Variants in ZNF804A observed in about 807,000 individuals in gnomAD.
ZNF804A encodes zinc finger protein 804A.
ZNF804A carries 2 observed loss-of-function variants against 16.5 expected under a neutral mutation model. That is an observed-to-expected ratio of 0.12 (90% CI 0.05 to 0.38). The LOEUF (loss-of-function observed/expected upper bound fraction) is 0.38, where lower values mean the gene tolerates loss of function less well. ZNF804A is among the 10% of genes least tolerant of loss of function. The pLI is 0.99. For synonymous variants in ZNF804A, 534 were observed against 489.6 expected (o/e 1.09, Z -1.20); for missense variants, 1,473 against 1,390.7 (o/e 1.06, Z -0.94).
intron 1 of ZNF804A, among the ~76,000 whole-genome samples, chr2:184,710,931 A>C (rs932617699): frequency 6.6e-6 from 1 of 151,838 alleles, no homozygotes; most frequent in African/African-American, 2.4e-5. Context: ...GGTTGCTTTC[A>C]TATCTTGACT....
intron 2 of ZNF804A, among the ~76,000 whole-genome samples, chr2:184,927,377 G>A (rs1025463062): frequency 7.2e-5 from 11 of 152,172 alleles, no homozygotes; most frequent in African/African-American, 2.4e-4. Context: ...TTCTGAGCTG[G>A]CTGGAGCTAG....
chr2:184,718,756 C>T lies in ZNF804A; in HGVS notation c.111+119686C>T, dbSNP rs574722745. On this transcript the variant is annotated intron_variant, in intron 1 of 3. Transcript: ENST00000302277. ...GTCTTGGGCAGTTCCAACCCTGTGA[C>T]TTTGCAAGGTATAGCCTCCCTCCTG... Among the ~76,000 whole-genome samples the T allele has an allele frequency of 2.0e-5, 3 of 152,304 alleles. No homozygotes were observed. The East Asian group carries it at 5.8e-4, about 29-fold the overall frequency.
rs75132823 is a variant in ZNF804A, at chr2:184,936,869, C to A, written c.1473C>A (p.Asp491Glu). ...TTTGTTCTCAGCAGAAGCAGGAAGA[C>A]ATTTGCATGGGACCACTTTCAGATT... ...KDLCSQQKQE[D>E]ICMGPLSDYK... Residue 491 changes from aspartate (D) to glutamate (E), a missense_variant, in exon 4 of 4, where the codon GAC becomes GAA. Physicochemically the swap from Asp to Glu is conservative, Grantham distance 45. Transcript: ENST00000302277. 3.1e-6 allele frequency: 5 copies of A among 1,613,196 alleles called. No individual in the cohort carries two copies. The African/African-American group carries it at 6.7e-5, about 22-fold the overall frequency.
At chr2:184,749,102 G>GT (rs1292961452) in intron 1 of ZNF804A, among the ~76,000 whole-genome samples, 3 of 151,196 alleles carry the variant, frequency 2.0e-5, no homozygotes, top group Non-Finnish European at 3.0e-5. Context: ...TTTTAGAATA[G>GT]TTTTTTTCTA....
At chr2:184,679,695 G>A (rs1692505478) in intron 1 of ZNF804A, among the ~76,000 whole-genome samples, 1 of 152,198 alleles carries the variant, frequency 6.6e-6, no homozygotes, top group Non-Finnish European at 1.5e-5. Flanking sequence ...GTGCTGACAT[G>A]ACAGCTCCCT....
At chr2:184,607,936 CTTTTTTTTTTTTTTTTT>C (rs34262998) in intron 1 of ZNF804A, among the ~76,000 whole-genome samples, 1 of 65,654 alleles carries the variant, frequency 1.5e-5, no homozygotes, top group African/African-American at 6.6e-5. Flanking sequence ...TGATGCATCT[CTTTTTTTTTTTTTTTTT>C]TTTTTTTTTT....
chr2:184,788,180 T>C (rs1271537376), intron 1 of ZNF804A, among the ~76,000 whole-genome samples: 1 of 152,078 alleles, frequency 6.6e-6, no homozygotes, highest in African/African-American at 2.4e-5. Flanking sequence ...GGTTATCTAT[T>C]TTGTTCCAAT....
rs115253080 is a variant in ZNF804A, at chr2:184,630,125, C to A, written c.111+31055C>A. ...TCTCTCACTTTTAGCTACCAGGTCTCTGGTACTGTAGCAGTTTTCAGTGTA... is the reference window on the plus strand; with the variant it reads ...TCTCTCACTTTTAGCTACCAGGTCTATGGTACTGTAGCAGTTTTCAGTGTA... On this transcript the variant is annotated intron_variant, in intron 1 of 3. Coordinates refer to ENST00000302277, the MANE Select transcript of ZNF804A (RefSeq NM_194250.2). Among the ~76,000 whole-genome samples the A allele has an allele frequency of 3.3e-3, 503 of 152,212 alleles. 5 individuals are homozygous for A. The highest frequency in any genetic ancestry group is 0.012 in the African/African-American group (480 of 41,548).
intron 1 of ZNF804A, among the ~76,000 whole-genome samples, chr2:184,673,092 A>G (rs888293295): frequency 2.0e-5 from 3 of 152,180 alleles, no homozygotes; most frequent in Admixed American, 2.0e-4. Flanking sequence ...GAAAGGAGAA[A>G]AGAAAAAAAT....
At chr2:184,676,636 A>T (rs544549003) in intron 1 of ZNF804A, among the ~76,000 whole-genome samples, 3 of 151,820 alleles carry the variant, frequency 2.0e-5, no homozygotes, top group East Asian at 3.9e-4. Flanking sequence ...GTATAAATAT[A>T]ATGTTTTTTC....
chr2:184,819,940 A>G (rs1695045627), intron 1 of ZNF804A, among the ~76,000 whole-genome samples: 1 of 152,030 alleles, frequency 6.6e-6, no homozygotes, highest in African/African-American at 2.4e-5. Flanking sequence ...CCTACCAACC[A>G]AAACAAGCCC....
At chr2:184,901,671 G>A (rs1322884606) in intron 2 of ZNF804A, among the ~76,000 whole-genome samples, 6 of 152,022 alleles carry the variant, frequency 3.9e-5, no homozygotes, top group East Asian at 1.9e-4. Context: ...TTAATCAACC[G>A]TCATTGAATA....
intron 1 of ZNF804A, among the ~76,000 whole-genome samples, chr2:184,644,319 G>A (rs910114038): frequency 2.0e-5 from 3 of 151,530 alleles, no homozygotes; most frequent in Non-Finnish European, 4.4e-5. Flanking sequence ...TTTGAAAATA[G>A]TATTTATAAC....
At chr2:184,813,410 G>A (rs2105787689) in intron 1 of ZNF804A, among the ~76,000 whole-genome samples, 1 of 152,134 alleles carries the variant, frequency 6.6e-6, no homozygotes, top group South Asian at 2.1e-4. Context: ...GGTTTGAGCT[G>A]GATATTGAAA....
intron 1 of ZNF804A, among the ~76,000 whole-genome samples, chr2:184,845,544 G>A (rs75566932): frequency 0.035 from 5,360 of 152,174 alleles, 298 homozygotes; most frequent in African/African-American, 0.12. Flanking sequence ...GAAAGGCTAT[G>A]GGGTCTGGAC....
At chr2:184,853,882 T>C (rs1301381602) in intron 1 of ZNF804A, among the ~76,000 whole-genome samples, 8 of 146,710 alleles carry the variant, frequency 5.5e-5, no homozygotes, top group African/African-American at 1.1e-4. Context: ...TTTTTTTTTT[T>C]TGGCAGTATC....
chr2:184,626,043 T>C (rs914722095), intron 1 of ZNF804A, among the ~76,000 whole-genome samples: 3 of 152,136 alleles, frequency 2.0e-5, no homozygotes, highest in African/African-American at 7.2e-5. Context: ...TAATTTTTTG[T>C]ATTTTTAATA....
At chr2:184,655,405 G>A (rs1439346235) in intron 1 of ZNF804A, among the ~76,000 whole-genome samples, 1 of 152,134 alleles carries the variant, frequency 6.6e-6, no homozygotes, top group Non-Finnish European at 1.5e-5. Flanking sequence ...GCTGTTTACA[G>A]CCCAAGATTA....
chr2:184,815,357 C>T (rs951104092), intron 1 of ZNF804A, among the ~76,000 whole-genome samples: 15 of 151,726 alleles, frequency 9.9e-5, no homozygotes, highest in Non-Finnish European at 1.9e-4. Flanking sequence ...TTATTCTTAA[C>T]CTGTTATTTT....
Sources: gnomAD v4.1 joint callset for allele counts (sites outside exome capture counted in the v4.1 genomes callset) on GRCh38, gnomAD v4.1.1 for gene constraint, MANE v1.5 for transcripts, NCBI Gene and HGNC (gene_info 2026-07-23, HGNC 2026-07-21) for gene names.